Variants in CP observed in about 807,000 individuals in gnomAD.
The protein encoded by CP is ceruloplasmin, also known as caeruloplasmin.
A neutral mutation model predicts 122.4 loss-of-function variants in CP; 64 were observed. The ratio of observed to expected loss-of-function variants is 0.52; its 90% CI spans 0.43 to 0.64. The LOEUF is 0.64. Among genes scored for constraint, CP ranks in the 30% least tolerant of loss-of-function variants. The pLI is 0.00. For synonymous variants in CP, 440 were observed against 436.4 expected (o/e 1.01, Z -0.10); for missense variants, 1,167 against 1,284.4 (o/e 0.91, Z 1.40).
At chr3:149,199,966 G>T (rs1216808320) in intron 7 of CP, 102 bp from the exon 8 acceptor site, 18 of 1,175,160 alleles carry the variant, frequency 1.5e-5, no homozygotes, top group Non-Finnish European at 2.3e-5. Flanking sequence ...AGAACTACTA[G>T]GAGCAACACG....
At chr3:149,172,318 T>TCTCACACA (rs72453449), downstream of CP, 26,800 of 569,094 alleles carry the variant, frequency 0.047, 525 homozygotes, top group South Asian at 0.12. Context: ...ATTTTATATA[T>TCTCACACA]CACACACACA....
intron 1 of CP, among the ~76,000 whole-genome samples, chr3:149,216,900 C>CTTTT (rs201368226): frequency 1.5e-5 from 2 of 129,602 alleles, no homozygotes; most frequent in Non-Finnish European, 1.7e-5. Flanking sequence ...CTATTGCTTG[C>CTTTT]TTTTTTTTTT....
intron 4 of CP, among the ~76,000 whole-genome samples, chr3:149,208,489 A>G (rs564836071): frequency 7.7e-4 from 118 of 152,262 alleles, no homozygotes; most frequent in South Asian, 2.3e-3. Context: ...TAACTAGTTT[A>G]TTTTTCTACT....
intron 11 of CP, chr3:149,186,194 T>C (rs1726161083): frequency 2.6e-6 from 1 of 385,400 alleles, no homozygotes; most frequent in South Asian, 2.4e-5. Flanking sequence ...AGAATATTTA[T>C]GGGAGTCATT....
At chr3:149,163,468 G>A (rs1724092990) in intron 5 of CP, among the ~76,000 whole-genome samples, 1 of 152,090 alleles carries the variant, frequency 6.6e-6, no homozygotes, top group South Asian at 2.1e-4. Context: ...GAATAAGCAG[G>A]GCTTCTTGGG....
In CP at chr3:149,203,933, A is replaced by G. The variant is rs1055087930; in HGVS notation, c.1209-1692T>C. Among the ~76,000 whole-genome samples, 4 of 152,290 alleles carry G rather than the reference A, an allele frequency of 2.6e-5. No individual in the cohort carries two copies. The East Asian group carries it at 7.7e-4, about 29-fold the overall frequency. On this transcript the variant is annotated intron_variant, in intron 6 of 18. Transcript: ENST00000264613. ...AGTGAAGAGGCCACAAAGACATTCC[A>G]GAGGAAGTGATTACTCAAAACTACC...
intron 4 of CP, 92 bp downstream of exon 4, chr3:149,209,119 C>G (rs1221667855): frequency 6.7e-7 from 1 of 1,498,514 alleles, no homozygotes; most frequent in East Asian, 2.3e-5. Context: ...AGACTAGACA[C>G]ACAGTACTTA....
intron 6 of CP, among the ~76,000 whole-genome samples, chr3:149,203,558 T>C (rs112446140): frequency 0.014 from 2,180 of 152,332 alleles, 53 homozygotes; most frequent in African/African-American, 0.048. Flanking sequence ...GCCACGGCGC[T>C]TGGCCAGGAG....
rs1211061735 is a variant in CP at position 149,167,297 on chromosome 3, C to A, written c.587-1247G>T. On this transcript the variant is annotated intron_variant, in intron 4 of 5. Coordinates refer to the CP transcript ENST00000479771. Reference sequence around the variant, plus strand: ...GATCAGTGATAATCAGATCTGATAACCTCATTTCCTTTCCTGCAAAATGGG... The same window carrying A: ...GATCAGTGATAATCAGATCTGATAAACTCATTTCCTTTCCTGCAAAATGGG... The A allele has an allele frequency of 1.5e-5, 20 of 1,361,818 alleles. No individual in the cohort carries two copies. The African/African-American group carries it at 2.5e-4, about 17-fold the overall frequency. The allele number at this position is 1,361,818 out of a possible 1,614,324, so 84.4% of individuals were successfully genotyped here.
intron 15 of CP, among the ~76,000 whole-genome samples, 163 bp from the exon 16 acceptor site, chr3:149,178,794 G>T (rs1373909639): frequency 6.6e-6 from 1 of 152,166 alleles, no homozygotes; most frequent in African/African-American, 2.4e-5. Context: ...ACTTGAAGTA[G>T]TTAAATTGGA....
intron 14 of CP, chr3:149,180,073 C>A: frequency 3.9e-6 from 1 of 255,854 alleles, no homozygotes; most frequent in Non-Finnish European, 7.6e-6. Context: ...GTAATCTCTG[C>A]ATGTGTGTAT....
rs984650566 is a variant in CP at position 149,190,272 on chromosome 3, G to A, written c.1714-2070C>T. Among the ~76,000 whole-genome samples, 15 of 152,266 alleles carry A rather than the reference G, an allele frequency of 9.9e-5. No homozygotes were observed. The South Asian group carries it at 1.0e-3, about 11-fold the overall frequency. The stretch of plus-strand genomic sequence containing the variant: ...AACCACATATATAGGGGAGAAAAAT[G>A]TAAATCATTATATGCAATTAATGTG... On this transcript the variant is annotated intron_variant, in intron 9 of 18. Transcript: ENST00000264613.
At chr3:149,177,779 C>T (rs1725511800) in intron 17 of CP, 61 bp downstream of exon 17, 5 of 1,556,084 alleles carry the variant, frequency 3.2e-6, no homozygotes, top group Non-Finnish European at 3.5e-6. Context: ...AAAATATTTT[C>T]TTCACTTGTA....
chr3:149,169,893 A>T (rs1251175763), downstream of CP, among the ~76,000 whole-genome samples: 1 of 152,224 alleles, frequency 6.6e-6, no homozygotes, highest in African/African-American at 2.4e-5. Context: ...AATATTTTCT[A>T]GACATGCTGG....
At chr3:149,174,238 A>G (rs1201529771) in intron 18 of CP, among the ~76,000 whole-genome samples, 1 of 152,222 alleles carries the variant, frequency 6.6e-6, no homozygotes, top group Non-Finnish European at 1.5e-5. Flanking sequence ...AATGCAGTAC[A>G]TGATCCGGGA....
At chr3:149,190,562 G>A (rs1191910105) in intron 9 of CP, among the ~76,000 whole-genome samples, 1 of 151,350 alleles carries the variant, frequency 6.6e-6, no homozygotes, top group Non-Finnish European at 1.5e-5. Context: ...GGAGGCTGAG[G>A]CACAAGAATC....
At position 149,207,679 on chromosome 3, in the gene CP, C is replaced by T. The variant is rs528211394; in HGVS notation, c.782-62G>A. ...TTAATGCTTGAGATAGTGAGAGTTA[C>T]CTCTATATAAATAGAATCAATTTGG... On this transcript the variant is annotated intron_variant, in intron 4 of 18. Transcript: ENST00000264613. 6 of 1,557,272 alleles carry T rather than the reference C, an allele frequency of 3.9e-6. No individual in the cohort carries two copies. In the South Asian group the frequency reaches 6.7e-5, roughly 17 times the overall value.
At position 149,183,362 on chromosome 3, in the gene CP, A is replaced by G. The variant is rs1235071463; in HGVS notation, c.2425+104T>C. 8.4e-6 allele frequency: 10 copies of G among 1,194,758 alleles called. No homozygotes were observed. The African/African-American group carries it at 1.2e-4, about 15-fold the overall frequency. The allele number at this position is 1,194,758 out of a possible 1,614,324, so 74.0% of individuals were successfully genotyped here. Reference sequence around the variant, plus strand: ...TTAAATTTTTATTTGAACAACTTTGATATATGAACCAAGAAAATGAAACCC... The same window carrying G: ...TTAAATTTTTATTTGAACAACTTTGGTATATGAACCAAGAAAATGAAACCC... On this transcript the variant is annotated intron_variant, in intron 13 of 18. Transcript: ENST00000264613.
intron 1 of CP, 122 bp from the exon 2 acceptor site, chr3:149,212,820 T>G: frequency 8.1e-7 from 1 of 1,240,470 alleles, no homozygotes; most frequent in Non-Finnish European, 1.1e-6. Context: ...AATGTTTGCC[T>G]GTTGTAGGGA....
Sources: allele counts gnomAD v4.1 joint callset (sites outside exome capture counted in the v4.1 genomes callset), GRCh38; gene constraint gnomAD v4.1.1; transcripts MANE v1.5; gene names NCBI Gene and HGNC (gene_info 2026-07-23, HGNC 2026-07-21).